Variants in UTP18 observed in about 807,000 individuals in gnomAD.
UTP18 encodes the protein UTP18 small subunit processome component.
In UTP18, 36 loss-of-function variants were observed where a neutral mutation model predicts 61.1. That is an observed-to-expected ratio of 0.59 (90% confidence interval 0.45 to 0.78). UTP18 has a LOEUF of 0.78. UTP18 is among the 30% of genes least tolerant of loss of function. UTP18 has a pLI of 0.00. For synonymous variants in UTP18, 282 were observed against 251.1 expected (o/e 1.12, Z -1.16); for missense variants, 753 against 693.9 (o/e 1.09, Z -0.96).
At chr17:51,289,499 G>T (rs1432814312) in intron 11 of UTP18, among the ~76,000 whole-genome samples, 1 of 151,792 alleles carries the variant, frequency 6.6e-6, no homozygotes, top group Non-Finnish European at 1.5e-5. Context: ...GAGCCGCCGT[G>T]CCCAGCCCAG....
intron 3 of UTP18, 104 bp downstream of exon 3, chr17:51,266,384 G>A (rs2055561503): frequency 4.0e-6 from 3 of 752,094 alleles, no homozygotes; most frequent in African/African-American, 1.8e-5. Flanking sequence ...GAAACAGTAA[G>A]AGGATTGCTA....
chr17:51,274,277 A>C (rs1306453636), intron 5 of UTP18, among the ~76,000 whole-genome samples: 1 of 152,226 alleles, frequency 6.6e-6, no homozygotes, highest in African/African-American at 2.4e-5. Context: ...AGTGGTCTAC[A>C]CTATTCACTT....
intron 11 of UTP18, among the ~76,000 whole-genome samples, chr17:51,290,847 T>A (rs1350252474): frequency 6.6e-6 from 1 of 152,236 alleles, no homozygotes; most frequent in African/African-American, 2.4e-5. Flanking sequence ...TATAATGCCT[T>A]GTAAAAAACA....
chr17:51,293,245 A>G (rs1905276263), intron 11 of UTP18, among the ~76,000 whole-genome samples: 1 of 152,188 alleles, frequency 6.6e-6, no homozygotes, highest in Non-Finnish European at 1.5e-5. Flanking sequence ...TGGATGCTGT[A>G]CTGACGCTTT....
chr17:51,269,294 C>CAAAAAAAAAAA (rs58681434), intron 4 of UTP18, among the ~76,000 whole-genome samples: 13 of 66,666 alleles, frequency 2.0e-4, no homozygotes, highest in Non-Finnish European at 3.3e-4. Flanking sequence ...GACTCTGTCT[C>CAAAAAAAAAAA]AAAAAAAAAA....
At chr17:51,272,109 G>GT (rs1339964487) in intron 4 of UTP18, among the ~76,000 whole-genome samples, 1 of 151,104 alleles carries the variant, frequency 6.6e-6, no homozygotes, top group Admixed American at 6.6e-5. Flanking sequence ...TGTTGTTTGT[G>GT]TTTTTTTGAG....
intron 11 of UTP18, 139 bp downstream of exon 11, chr17:51,288,342 C>A (rs1905165832): frequency 1.1e-6 from 1 of 913,664 alleles, no homozygotes; most frequent in Non-Finnish European, 1.6e-6. Flanking sequence ...AGTATTGTAG[C>A]TTTTGGATGT....
At chr17:51,262,121 G>T (rs888969978) in intron 1 of UTP18, among the ~76,000 whole-genome samples, 1 of 150,816 alleles carries the variant, frequency 6.6e-6, no homozygotes, top group Non-Finnish European at 1.5e-5. Flanking sequence ...TCGCCCTGTC[G>T]CCCAGGCTGG....
chr17:51,265,257 AG>A (rs2055548483), intron 2 of UTP18, among the ~76,000 whole-genome samples: 2 of 151,076 alleles, frequency 1.3e-5, no homozygotes, highest in Non-Finnish European at 2.9e-5. Flanking sequence ...TAGTATTTTA[AG>A]GTTTGCTCTT....
chr17:51,260,632 A>G lies in UTP18; in HGVS notation c.48A>G (p.Gly16=), dbSNP rs117093534. 0.016 allele frequency: 25,892 copies of G among 1,612,562 alleles called. 243 individuals are homozygous for G. The highest frequency in any genetic ancestry group is 0.018 in the Non-Finnish European group (21,581 of 1,179,698). The part of the protein sequence containing the change: ...RRRMKLDRRT[G]AKPKRKPGMR... Reference sequence around the variant, plus strand: ...GAATGAAACTGGACCGGAGAACCGGAGCGAAGCCGAAGCGGAAGCCCGGAA... The same window carrying G: ...GAATGAAACTGGACCGGAGAACCGGGGCGAAGCCGAAGCGGAAGCCCGGAA... Residue 16 remains glycine, a synonymous_variant, in exon 1 of 14, where the codon GGA becomes GGG. Transcript: ENST00000225298.
At chr17:51,281,682 G>A (rs1904931566) in intron 9 of UTP18, among the ~76,000 whole-genome samples, 1 of 152,126 alleles carries the variant, frequency 6.6e-6, no homozygotes, top group South Asian at 2.1e-4. Context: ...CACTATCCTG[G>A]TTGTAATGTT....
In UTP18 at chr17:51,293,911, T is replaced by A. The variant is rs751189534; in HGVS notation, c.1512T>A (p.Leu504=). 10 of 1,579,544 alleles carry A rather than the reference T, an allele frequency of 6.3e-6. No individual in the cohort carries two copies. The Admixed American group carries it at 9.4e-5, about 15-fold the overall frequency. The change falls in exon 12 of 14, where the codon CTT becomes CTA. Residue 504 remains leucine, a synonymous_variant. Transcript: ENST00000225298. Reference sequence around the variant, plus strand: ...TTTATTATCTCCTGCAGGTTCATCTTCCTTCCTGTACAGTATTTTCAAACT... The same window carrying A: ...TTTATTATCTCCTGCAGGTTCATCTACCTTCCTGTACAGTATTTTCAAACT... ...KMKEAVRLVH[L]PSCTVFSNFP...
At chr17:51,279,112 A>G (rs1342826799) in intron 7 of UTP18, among the ~76,000 whole-genome samples, 1 of 152,194 alleles carries the variant, frequency 6.6e-6, no homozygotes, top group Non-Finnish European at 1.5e-5. Flanking sequence ...ATATAGACAT[A>G]TATTTTTGAC....
At chr17:51,293,091 C>T (rs1418359706) in intron 11 of UTP18, among the ~76,000 whole-genome samples, 1 of 152,120 alleles carries the variant, frequency 6.6e-6, no homozygotes. Context: ...ACCAGATGAA[C>T]CTTCATGTTT....
intron 12 of UTP18, 122 bp downstream of exon 12, chr17:51,294,167 A>C: frequency 3.1e-5 from 21 of 682,280 alleles, no homozygotes; most frequent in Non-Finnish European, 4.2e-5. Flanking sequence ...CTTGACTCTC[A>C]TCTTCATTAT....
intron 2 of UTP18, among the ~76,000 whole-genome samples, chr17:51,265,336 T>C (rs2055549577): frequency 6.6e-6 from 1 of 151,780 alleles, no homozygotes; most frequent in Admixed American, 6.6e-5. Flanking sequence ...CGATCTTGGC[T>C]CACTGCAGCT....
At chr17:51,280,270 AGG>A in intron 8 of UTP18, 117 bp from the exon 9 acceptor site, 1 of 1,324,426 alleles carries the variant, frequency 7.6e-7, no homozygotes, top group Non-Finnish European at 1.0e-6. Flanking sequence ...TTTTGATTAC[AGG>A]GAAAAATAAA....
At chr17:51,291,714 A>C (rs1905242866) in intron 11 of UTP18, among the ~76,000 whole-genome samples, 1 of 151,888 alleles carries the variant, frequency 6.6e-6, no homozygotes, top group Admixed American at 6.6e-5. Context: ...CAGCCTGGGC[A>C]ACAGAGTGAG....
chr17:51,291,334 T>C (rs1905233830), intron 11 of UTP18, among the ~76,000 whole-genome samples: 1 of 152,220 alleles, frequency 6.6e-6, no homozygotes, highest in African/African-American at 2.4e-5. Context: ...CACCAATGCA[T>C]TGAGAGATTA....
Sources: allele counts gnomAD v4.1 joint callset (sites outside exome capture counted in the v4.1 genomes callset), GRCh38; gene constraint gnomAD v4.1.1; transcripts MANE v1.5; gene names NCBI Gene and HGNC (gene_info 2026-07-23, HGNC 2026-07-21).